Variants in ZFHX3 observed in about 807,000 individuals in gnomAD.
The protein encoded by ZFHX3 is zinc finger homeobox protein 3.
In ZFHX3, 42 loss-of-function variants were observed where a neutral mutation model predicts 279.1. That is an observed-to-expected ratio of 0.15 (90% CI 0.12 to 0.19). The LOEUF (loss-of-function observed/expected upper bound fraction) is 0.19. ZFHX3 is among the 10% of genes least tolerant of loss of function. The pLI is 1.00. For synonymous variants in ZFHX3, 2,293 were observed against 1,957.8 expected (o/e 1.17, Z -4.52); for missense variants, 4,981 against 4,754.0 (o/e 1.05, Z -1.40).
rs138084469 is a variant in ZFHX3 at position 72,844,849 on chromosome 16, C to T, written c.3449-14990G>A. Among the ~76,000 whole-genome samples the T allele has an allele frequency of 4.2e-3, 640 of 152,182 alleles. 4 individuals carry two copies. The highest frequency in any genetic ancestry group is 0.014 in the African/African-American group (598 of 41,506). Reference sequence around the variant, plus strand: ...CGAATGAGAGGCAAGTAGACTGCCCCGAAAACCCTGCCCCGCCCCCTCCCC... The same window carrying T: ...CGAATGAGAGGCAAGTAGACTGCCCTGAAAACCCTGCCCCGCCCCCTCCCC... On this transcript the variant is annotated intron_variant, in intron 4 of 9. Coordinates refer to ENST00000268489, the MANE Select transcript of ZFHX3 (RefSeq NM_006885.4).
intron 1 of ZFHX3, among the ~76,000 whole-genome samples, chr16:73,713,366 G>A (rs1332429157): frequency 6.6e-6 from 1 of 152,142 alleles, no homozygotes; most frequent in African/African-American, 2.4e-5. Context: ...AGCCACCGTG[G>A]TCTTTCCCCA....
intron 3 of ZFHX3, among the ~76,000 whole-genome samples, chr16:73,378,988 A>G (rs1447592971): frequency 6.6e-6 from 1 of 152,138 alleles, no homozygotes; most frequent in Non-Finnish European, 1.5e-5. Flanking sequence ...AAGACAGTAC[A>G]CCTTGAGGTT....
intron 2 of ZFHX3, among the ~76,000 whole-genome samples, chr16:73,643,258 T>C (rs899405548): frequency 1.1e-4 from 17 of 152,366 alleles, no homozygotes; most frequent in African/African-American, 3.6e-4. Flanking sequence ...TGGGAATGGC[T>C]ATTGGTTAAA....
upstream of ZFHX3, among the ~76,000 whole-genome samples, chr16:73,064,564 G>T (rs774811863): frequency 6.6e-6 from 1 of 151,646 alleles, no homozygotes; most frequent in Admixed American, 6.6e-5. Context: ...CTACTCTTGA[G>T]TGTCATCTCC....
At chr16:73,361,796 CA>C (rs2016437679) in intron 3 of ZFHX3, among the ~76,000 whole-genome samples, 1 of 152,074 alleles carries the variant, frequency 6.6e-6, no homozygotes, top group African/African-American at 2.4e-5. Context: ...AACTTTGGGG[CA>C]ATATTGTAAG....
At chr16:72,827,100 G>A (rs1033497940) in intron 5 of ZFHX3, among the ~76,000 whole-genome samples, 1 of 152,106 alleles carries the variant, frequency 6.6e-6, no homozygotes, top group Non-Finnish European at 1.5e-5. Context: ...TTTCCGTAGT[G>A]CCCTTAGCAC....
At chr16:72,842,420 G>A (rs1049254058) in intron 4 of ZFHX3, among the ~76,000 whole-genome samples, 2 of 152,118 alleles carry the variant, frequency 1.3e-5, no homozygotes, top group African/African-American at 4.8e-5. Flanking sequence ...AAACTGGACA[G>A]TGAGAGAATA....
chr16:73,492,472 C>A (rs1461929388), intron 2 of ZFHX3, among the ~76,000 whole-genome samples: 1 of 152,214 alleles, frequency 6.6e-6, no homozygotes, highest in Non-Finnish European at 1.5e-5. Flanking sequence ...GATCCAACTT[C>A]CACATTGCCA....
chr16:72,966,901 C>A (rs1961868685), intron 1 of ZFHX3, among the ~76,000 whole-genome samples: 1 of 152,224 alleles, frequency 6.6e-6, no homozygotes, highest in Admixed American at 6.5e-5. Flanking sequence ...CTGTGAAATA[C>A]TGCACTCTGT....
At chr16:73,796,868 C>T (rs1260173825) in intron 1 of ZFHX3, among the ~76,000 whole-genome samples, 1 of 152,162 alleles carries the variant, frequency 6.6e-6, no homozygotes, top group Non-Finnish European at 1.5e-5. Flanking sequence ...TGTCCTGGAT[C>T]CCTTGCACTG....
At chr16:72,955,816 G>T (rs1476578943) in intron 2 of ZFHX3, among the ~76,000 whole-genome samples, 1 of 145,506 alleles carries the variant, frequency 6.9e-6, no homozygotes, top group Admixed American at 6.9e-5. Context: ...GACCCAACAT[G>T]AACCTACCCA....
intron 1 of ZFHX3, among the ~76,000 whole-genome samples, chr16:72,990,808 C>T (rs914542216): frequency 6.6e-6 from 1 of 152,068 alleles, no homozygotes; most frequent in Non-Finnish European, 1.5e-5. Flanking sequence ...TGGCGAAACC[C>T]TGCCACTACT....
chr16:73,207,858 T>A (rs201536178), intron 5 of ZFHX3, among the ~76,000 whole-genome samples: 1 of 152,076 alleles, frequency 6.6e-6, no homozygotes, highest in Non-Finnish European at 1.5e-5. Flanking sequence ...ACATGGCAGG[T>A]GTAAATTGCG....
intron 3 of ZFHX3, among the ~76,000 whole-genome samples, chr16:72,948,209 G>A (rs1032071806): frequency 2.6e-5 from 4 of 152,144 alleles, no homozygotes; most frequent in Non-Finnish European, 5.9e-5. Context: ...ATGACCTTTG[G>A]CTCCTGACGG....
chr16:73,339,214 T>C (rs1450206891), intron 3 of ZFHX3, among the ~76,000 whole-genome samples: 1 of 152,238 alleles, frequency 6.6e-6, no homozygotes, highest in Non-Finnish European at 1.5e-5. Context: ...GCTCTGAATG[T>C]AGAGCTTTTC....
chr16:73,700,862 C>G (rs761801165), intron 1 of ZFHX3, among the ~76,000 whole-genome samples: 7 of 152,192 alleles, frequency 4.6e-5, no homozygotes, highest in Non-Finnish European at 7.4e-5. Context: ...TGTTTAATCT[C>G]TCTCCTCAAA....
At position 72,959,770 on chromosome 16, in the gene ZFHX3, C is replaced by T. The variant is rs762692938; in HGVS notation, c.376G>A (p.Val126Met). Residue 126 changes from valine (V) to methionine (M), a missense_variant, in exon 2 of 10, where the codon GTG (valine) becomes ATG (methionine). Val to Met is a conservative substitution (Grantham distance 21). This residue lies in a region of ZFHX3 where 1,068 missense variants were observed against 935.2 expected (regional missense o/e 1.14). Transcript: ENST00000268489. ...ACGATCTCCCCGGCCAGGTTCTCCACGTCACTCTCCTCGTCCCCCTCCTCA... is the reference window on the plus strand; with the variant it reads ...ACGATCTCCCCGGCCAGGTTCTCCATGTCACTCTCCTCGTCCCCCTCCTCA... ...TGEEGDEESD[V>M]ENLAGEIVYQ... 11 of 1,606,872 alleles carry T rather than the reference C, an allele frequency of 6.8e-6. No homozygotes were observed. Among genetic ancestry groups the T allele is most frequent in the Admixed American group, 3.4e-5 (2 of 59,586 alleles).
chr16:72,829,459 C>A, intron 5 of ZFHX3: 1 of 287,694 alleles, frequency 3.5e-6, no homozygotes, highest in Non-Finnish European at 6.5e-6. Context: ...GAAGAGCCAC[C>A]AAAGAGATGT....
At chr16:73,072,638 C>T (rs180704141) in intron 8 of ZFHX3, among the ~76,000 whole-genome samples, 289 of 152,238 alleles carry the variant, frequency 1.9e-3, no homozygotes, top group Non-Finnish European at 3.3e-3. Flanking sequence ...GATCATAACT[C>T]ATTGCAGCCT....
Sources: allele counts gnomAD v4.1 joint callset (sites outside exome capture counted in the v4.1 genomes callset), GRCh38; gene constraint gnomAD v4.1.1; regional missense constraint gnomAD v4.1.1; transcripts MANE v1.5; gene names NCBI Gene and HGNC (gene_info 2026-07-23, HGNC 2026-07-21).